Variants in SMARCA2 observed in about 807,000 individuals in gnomAD.
The protein encoded by SMARCA2 is SWI/SNF related BAF chromatin remodeling complex subunit ATPase 2, also known as SWI/SNF-related matrix-associated actin-dependent regulator of chromatin subfamily A member 2.
SMARCA2 carries 61 observed loss-of-function variants against 199.8 expected under a neutral mutation model. That is an observed-to-expected ratio of 0.31 (90% CI 0.25 to 0.38). The LOEUF (loss-of-function observed/expected upper bound fraction) is 0.38, where lower values mean the gene tolerates loss of function less well. Among genes scored for constraint, SMARCA2 ranks in the 10% least tolerant of loss-of-function variants. The probability of loss-of-function intolerance (pLI) is 1.00; values close to 1 mark genes in which losing one functional copy is unlikely to be tolerated. For missense variants in SMARCA2, 1,344 were observed against 2,012.2 expected (o/e 0.67, Z 6.35); for synonymous variants, 935 against 732.0 (o/e 1.28, Z -4.48).
intron 21 of SMARCA2, among the ~76,000 whole-genome samples, chr9:2,100,673 AG>A (rs764787306): frequency 1.3e-5 from 2 of 151,982 alleles, no homozygotes; most frequent in African/African-American, 4.8e-5. Flanking sequence ...ACTGCACTCC[AG>A]CCTGGGCAAC....
chr9:2,186,212 A>C lies in SMARCA2; in HGVS notation c.4578A>C (p.Glu1526Asp). The change falls in exon 32 of 34, where the codon GAA becomes GAC. Residue 1526 changes from glutamate to aspartate, a missense_variant. By Grantham distance (45) the Glu-to-Asp change is conservative. Transcript: ENST00000349721. ...AAGAGGAGGAAGAGGAAGATGAAGA[A>C]GAGTCAGAGTCCGAGGGTAAGCCCA... ...SNEEEEEEDEEESESEAKSVK... is the reference protein window; with the variant it reads ...SNEEEEEEDEDESESEAKSVK... The C allele has an allele frequency of 6.2e-7, 1 of 1,614,028 alleles. No homozygotes were observed. The highest frequency in any genetic ancestry group is 1.1e-5 in the South Asian group (1 of 91,078).
intron 27 of SMARCA2, among the ~76,000 whole-genome samples, chr9:2,142,973 A>AT (rs145491201): frequency 0.046 from 6,958 of 152,052 alleles, 354 homozygotes; most frequent in African/African-American, 0.12. Flanking sequence ...GATTAAAATG[A>AT]TTTTTTTTAA....
At chr9:2,159,320 G>T (rs751468735) in intron 27 of SMARCA2, 9 of 288,672 alleles carry the variant, frequency 3.1e-5, no homozygotes, top group Non-Finnish European at 4.5e-5. Flanking sequence ...TTAAAGAGCA[G>T]AATAACATAT....
intron 21 of SMARCA2, among the ~76,000 whole-genome samples, chr9:2,098,142 A>G (rs566943559): frequency 5.9e-5 from 9 of 152,300 alleles, no homozygotes; most frequent in East Asian, 1.9e-4. Flanking sequence ...AGGAGCCACA[A>G]TTGTATTCCC....
At chr9:2,185,330 T>A (rs1388511775) in intron 31 of SMARCA2, among the ~76,000 whole-genome samples, 1 of 152,232 alleles carries the variant, frequency 6.6e-6, no homozygotes, top group Non-Finnish European at 1.5e-5. Flanking sequence ...GTAACAATCC[T>A]CCAGTTACAG....
chr9:2,113,236 A>T (rs1169435229), intron 24 of SMARCA2, among the ~76,000 whole-genome samples: 1 of 151,956 alleles, frequency 6.6e-6, no homozygotes, highest in South Asian at 2.1e-4. Context: ...AGAAGCAAAG[A>T]TAGAACTCGT....
rs577350675 is a variant in SMARCA2, at chr9:2,024,129, A to T, written c.-36-4858A>T. Among the ~76,000 whole-genome samples the T allele has an allele frequency of 1.6e-4, 25 of 152,268 alleles. No homozygotes were observed. The South Asian group carries it at 5.2e-3, about 32-fold the overall frequency. ...AGTTTGGTGAAGAGCAATTTAAGAG[A>T]TATTGTCAAGGTTGGTGTGCTGCCC... On this transcript the variant is annotated intron_variant, in intron 1 of 33. Coordinates refer to ENST00000349721, the MANE Select transcript of SMARCA2 (RefSeq NM_003070.5).
In SMARCA2 at chr9:2,017,230, T is replaced by G; in HGVS notation, c.-37+1826T>G. 1 of 137,678 alleles carries G rather than the reference T, an allele frequency of 7.3e-6. No individual in the cohort carries two copies. Among genetic ancestry groups the G allele is most frequent in the East Asian group, 2.2e-4 (1 of 4,616 alleles). The allele number at this position is 137,678 out of a possible 1,614,324, so 8.5% of individuals were successfully genotyped here. On this transcript the variant is annotated intron_variant, in intron 1 of 33. Transcript: ENST00000349721. This position sits in a 1 kb window ranked among gnomAD's most constrained non-coding sequence, Gnocchi z 8.8. The stretch of plus-strand genomic sequence containing the variant: ...GTGGTGAGCGCGGGGCTGGCTGGGC[T>G]GCTTGGGGGGTGGGGTGGAGGGAAG...
intron 27 of SMARCA2, among the ~76,000 whole-genome samples, chr9:2,139,894 G>A (rs1824383366): frequency 6.6e-6 from 1 of 152,134 alleles, no homozygotes; most frequent in Admixed American, 6.5e-5. Context: ...TACAAAGGTT[G>A]TTTAGTTTTG....
At chr9:2,055,329 C>T (rs1820304447) in intron 6 of SMARCA2, among the ~76,000 whole-genome samples, 1 of 152,168 alleles carries the variant, frequency 6.6e-6, no homozygotes. Context: ...GTATAATGAC[C>T]TATTTTCTGA....
intron 4 of SMARCA2, chr9:2,044,503 A>C (rs535735478): frequency 1.3e-5 from 2 of 152,364 alleles, no homozygotes; most frequent in African/African-American, 2.4e-5. Context: ...AAGCTGAGTC[A>C]ATTAGGCTTC....
rs1028948740 is a variant in SMARCA2, at chr9:2,039,994, C to A, written c.790+94C>A. 1.3e-6 allele frequency: 2 copies of A among 1,551,010 alleles called. No individual in the cohort carries two copies. Among genetic ancestry groups the A allele is most frequent in the East Asian group, 4.5e-5 (2 of 44,474 alleles). ...ACACCGGGTTGTTAAAAGCCCGGGG[C>A]TGACGTAGCCTTTTGTTATACCTCA... On this transcript the variant is annotated intron_variant, in intron 4 of 33. Transcript: ENST00000349721. The surrounding 1 kb of genome is among the most constrained non-coding windows in gnomAD (Gnocchi z 4.8).
At chr9:2,074,664 C>T (rs573524589) in intron 12 of SMARCA2, among the ~76,000 whole-genome samples, 73 of 152,250 alleles carry the variant, frequency 4.8e-4, no homozygotes, top group Admixed American at 1.5e-3. Context: ...TCCAGGAGTT[C>T]GAGACCAGCC....
intron 19 of SMARCA2, among the ~76,000 whole-genome samples, chr9:2,091,241 T>C (rs1822043888): frequency 6.6e-6 from 1 of 152,314 alleles, no homozygotes; most frequent in Admixed American, 6.5e-5. Flanking sequence ...TCCCTGGTAT[T>C]TCCTGGTACT....
chr9:2,022,673 A>G (rs1818656388), intron 1 of SMARCA2, among the ~76,000 whole-genome samples: 1 of 152,208 alleles, frequency 6.6e-6, no homozygotes, highest in African/African-American at 2.4e-5. Context: ...TTATATGTTT[A>G]AAGTATAAAT....
At chr9:2,131,634 A>G (rs969694297) in intron 27 of SMARCA2, among the ~76,000 whole-genome samples, 7 of 152,166 alleles carry the variant, frequency 4.6e-5, no homozygotes, top group Non-Finnish European at 1.0e-4. Flanking sequence ...ATGTCTGCTG[A>G]CTACTAAAAT....
chr9:2,065,908 G>T (rs1055910649), intron 9 of SMARCA2, among the ~76,000 whole-genome samples: 3 of 152,142 alleles, frequency 2.0e-5, no homozygotes, highest in Non-Finnish European at 4.4e-5. Context: ...CAGAAGTTTC[G>T]AGAAAAGTCC....
chr9:2,176,022 A>G (rs1308986889), intron 29 of SMARCA2, among the ~76,000 whole-genome samples: 2 of 151,882 alleles, frequency 1.3e-5, no homozygotes, highest in Non-Finnish European at 2.9e-5. Context: ...CTGGGATTAT[A>G]GCCATGCGCC....
chr9:2,061,544 T>A (rs1055503892), intron 9 of SMARCA2, among the ~76,000 whole-genome samples: 1 of 152,212 alleles, frequency 6.6e-6, no homozygotes, highest in Non-Finnish European at 1.5e-5. Context: ...CTCCTAATTA[T>A]CATGAGAAAT....
Sources: gnomAD v4.1 joint callset for allele counts (sites outside exome capture counted in the v4.1 genomes callset) on GRCh38, gnomAD v4.1.1 for gene constraint, Gnocchi (gnomAD v3.1) non-coding constraint, MANE v1.5 for transcripts, NCBI Gene and HGNC (gene_info 2026-07-23, HGNC 2026-07-21) for gene names.